Variants in SCRG1 observed in about 807,000 individuals in gnomAD.
The protein encoded by SCRG1 is stimulator of chondrogenesis 1.
In SCRG1, 3 loss-of-function variants were observed where a neutral mutation model predicts 7.7. That is an observed-to-expected ratio of 0.39 (90% CI 0.18 to 1.01). SCRG1 has a LOEUF of 1.01. Among genes scored for constraint, SCRG1 ranks in the 50% least tolerant of loss-of-function variants. The pLI is 0.36. For synonymous variants in SCRG1, 46 were observed against 41.2 expected (o/e 1.12, Z -0.44); for missense variants, 110 against 117.2 (o/e 0.94, Z 0.28).
the SCRG1 span, among the ~76,000 whole-genome samples, chr4:173,464,421 T>C: frequency 6.6e-6 from 1 of 152,176 alleles, no homozygotes; most frequent in Non-Finnish European, 1.5e-5. Flanking sequence ...ACCTTCTCAA[T>C]TAACAAAATA....
chr4:173,512,225 G>A, the SCRG1 span, among the ~76,000 whole-genome samples: 1 of 152,202 alleles, frequency 6.6e-6, no homozygotes, highest in Admixed American at 6.5e-5. Context: ...GTCCAATACA[G>A]TGGGTGATCT....
At chr4:173,445,928 C>T in the SCRG1 span, among the ~76,000 whole-genome samples, 248 of 152,124 alleles carry the variant, frequency 1.6e-3, 4 homozygotes, top group South Asian at 3.7e-3. Context: ...CCTCTCAAAG[C>T]GCTGGGATTA....
At chr4:173,484,060 A>T in the SCRG1 span, among the ~76,000 whole-genome samples, 327 of 85,828 alleles carry the variant, frequency 3.8e-3, 5 homozygotes, top group African/African-American at 0.015. Context: ...AATATACATA[A>T]TATATAATAT....
the SCRG1 span, among the ~76,000 whole-genome samples, chr4:173,463,102 T>C: frequency 6.6e-6 from 1 of 152,164 alleles, no homozygotes; most frequent in East Asian, 1.9e-4. Context: ...TCCCTACTTA[T>C]CAATAATGAC....
At chr4:173,447,874 G>A in the SCRG1 span, among the ~76,000 whole-genome samples, 1 of 152,130 alleles carries the variant, frequency 6.6e-6, no homozygotes, top group Non-Finnish European at 1.5e-5. Flanking sequence ...GGAGGCCGAG[G>A]CAGGCGAATC....
chr4:173,484,127 A>G, the SCRG1 span, among the ~76,000 whole-genome samples: 1 of 45,460 alleles, frequency 2.2e-5, no homozygotes, highest in Admixed American at 4.0e-4. Flanking sequence ...TATACAATAT[A>G]TAATATATAA....
the SCRG1 span, among the ~76,000 whole-genome samples, chr4:173,445,013 A>G: frequency 6.6e-6 from 1 of 152,204 alleles, no homozygotes; most frequent in Admixed American, 6.5e-5. Flanking sequence ...AAAATGATAT[A>G]AGTTGAGTTT....
the SCRG1 span, among the ~76,000 whole-genome samples, chr4:173,427,744 C>A: frequency 5.1e-3 from 769 of 152,258 alleles, 12 homozygotes; most frequent in African/African-American, 0.017. Flanking sequence ...ATCTGGCCCT[C>A]CTTCTCTGAG....
At chr4:173,440,138 G>A in the SCRG1 span, among the ~76,000 whole-genome samples, 1 of 152,064 alleles carries the variant, frequency 6.6e-6, no homozygotes, top group Non-Finnish European at 1.5e-5. Flanking sequence ...GTTTCTTTTT[G>A]TTTGTTTTTC....
the SCRG1 span, among the ~76,000 whole-genome samples, chr4:173,484,812 T>G: frequency 1.5e-5 from 1 of 66,964 alleles, no homozygotes; most frequent in African/African-American, 5.7e-5. Flanking sequence ...TTATATATTA[T>G]ACATATAATA....
At chr4:173,486,412 C>T in the SCRG1 span, among the ~76,000 whole-genome samples, 3 of 152,094 alleles carry the variant, frequency 2.0e-5, no homozygotes, top group Non-Finnish European at 2.9e-5. Flanking sequence ...GGCCATGTAT[C>T]GTAGGCTTTC....
the SCRG1 span, among the ~76,000 whole-genome samples, chr4:173,412,824 C>T: frequency 6.6e-6 from 1 of 152,134 alleles, no homozygotes; most frequent in African/African-American, 2.4e-5. Flanking sequence ...CAGAAGCAGC[C>T]AGCTGAATGG....
chr4:173,424,638 G>A, the SCRG1 span, among the ~76,000 whole-genome samples: 3 of 152,218 alleles, frequency 2.0e-5, no homozygotes, highest in South Asian at 6.2e-4. Context: ...GGCTGGGCGC[G>A]GTGGCTCACG....
At chr4:173,478,046 A>C in the SCRG1 span, among the ~76,000 whole-genome samples, 2 of 152,146 alleles carry the variant, frequency 1.3e-5, no homozygotes, top group Admixed American at 6.6e-5. Flanking sequence ...CTGGGATCCA[A>C]CTGGATTTTG....
chr4:173,438,137 C>A, the SCRG1 span, among the ~76,000 whole-genome samples: 1 of 152,030 alleles, frequency 6.6e-6, no homozygotes, highest in Non-Finnish European at 1.5e-5. Flanking sequence ...ATTTTGGAGA[C>A]AGGGTCTCAC....
At chr4:173,441,997 C>A in the SCRG1 span, among the ~76,000 whole-genome samples, 2 of 152,198 alleles carry the variant, frequency 1.3e-5, no homozygotes, top group African/African-American at 4.8e-5. Flanking sequence ...GGCTCTATCC[C>A]ACACAAAGTT....
chr4:173,435,246 G>A, the SCRG1 span, among the ~76,000 whole-genome samples: 4 of 152,206 alleles, frequency 2.6e-5, no homozygotes, highest in South Asian at 8.3e-4. Flanking sequence ...TATCCTGGCA[G>A]GGGGCAGTTG....
upstream of SCRG1, among the ~76,000 whole-genome samples, chr4:173,408,852 A>G (rs1178669134): frequency 2.0e-5 from 3 of 151,892 alleles, no homozygotes; most frequent in Non-Finnish European, 4.4e-5. Context: ...AATTAGCCGG[A>G]TGTGGTGGCG....
At chr4:173,518,390 A>AT in the SCRG1 span, among the ~76,000 whole-genome samples, 434 of 152,266 alleles carry the variant, frequency 2.9e-3, 2 homozygotes, top group Non-Finnish European at 4.1e-3. Context: ...AAAGTTACTT[A>AT]TTTTTTTAAA....
Sources: allele counts gnomAD v4.1 joint callset (sites outside exome capture counted in the v4.1 genomes callset), GRCh38; gene constraint gnomAD v4.1.1; transcripts MANE v1.5; gene names NCBI Gene and HGNC (gene_info 2026-07-23, HGNC 2026-07-21).